ADGRV1: variants seen among roughly 807,000 people sequenced by gnomAD.
ADGRV1 encodes the protein G-protein coupled receptor 98.
In ADGRV1, 359 loss-of-function variants were observed where a neutral mutation model predicts 596.2. The observed-to-expected ratio is 0.60, with a 90% CI of 0.55 to 0.66. The LOEUF is 0.66. Among genes scored for constraint, ADGRV1 ranks in the 30% least tolerant of loss-of-function variants. ADGRV1 has a pLI of 0.00. For missense variants in ADGRV1, 7,274 were observed against 7,575.6 expected (o/e 0.96, Z 1.48); for synonymous variants, 2,681 against 2,679.2 (o/e 1.00, Z -0.02).
At chr5:90,565,953 G>A (rs1755577872) in intron 1 of ADGRV1, among the ~76,000 whole-genome samples, 1 of 152,066 alleles carries the variant, frequency 6.6e-6, no homozygotes, top group African/African-American at 2.4e-5. Flanking sequence ...GGTCATTTGT[G>A]TATCTCCTTT....
rs74456744 is a variant in ADGRV1, at chr5:90,735,726, G to A, written c.10549+5962G>A. On this transcript the variant is annotated intron_variant, in intron 50 of 89. Coordinates refer to ENST00000405460, the MANE Select transcript of ADGRV1 (RefSeq NM_032119.4). ...ACAGTTTTCAGTATACCAGTCGTTCGTCTTTATTGCTGTTGTAAATAGGCT... is the reference window on the plus strand; with the variant it reads ...ACAGTTTTCAGTATACCAGTCGTTCATCTTTATTGCTGTTGTAAATAGGCT... Among the ~76,000 whole-genome samples, 162 of 151,772 alleles carry A rather than the reference G, an allele frequency of 1.1e-3. 1 individual carries two copies. The East Asian group carries it at 0.029, about 27-fold the overall frequency.
At chr5:90,581,034 T>C (rs1035686538) in intron 1 of ADGRV1, among the ~76,000 whole-genome samples, 1 of 152,254 alleles carries the variant, frequency 6.6e-6, no homozygotes, top group African/African-American at 2.4e-5. Flanking sequence ...TTTCTTCCCC[T>C]TGATCGAATT....
In ADGRV1 at chr5:90,840,964, C is replaced by T; in HGVS notation, c.16998C>T (p.Ala5666=). 1 of 1,407,020 alleles carries T rather than the reference C, an allele frequency of 7.1e-7. No homozygotes were observed. The highest frequency in any genetic ancestry group is 9.3e-7 in the Non-Finnish European group (1 of 1,073,750). The allele number at this position is 1,407,020 out of a possible 1,614,324, so 87.2% of individuals were successfully genotyped here. The change falls in exon 78 of 90, where the codon GCC becomes GCT. Residue 5666 remains alanine, a synonymous_variant. Coordinates refer to ENST00000405460, the MANE Select transcript of ADGRV1 (RefSeq NM_032119.4). ...ATENTDEQLS[A]MMHLIEKITT... ...AAAACACAGATGAACAACTCAGTGC[C>T]ATGATGCATTTAATAGAAAAGGTAA... is the stretch of plus-strand genomic sequence containing the variant.
chr5:90,690,786 C>G lies in ADGRV1; in HGVS notation c.6707-11C>G. The G allele has an allele frequency of 6.3e-7, 1 of 1,587,206 alleles. No homozygotes were observed. The highest frequency in any genetic ancestry group is 1.1e-5 in the South Asian group (1 of 87,706). On this transcript the variant is annotated splice_polypyrimidine_tract_variant and intron_variant, in intron 30 of 89. Transcript: ENST00000405460. ...GTATTTGAAATGAACTCTGCTCTGTCTACCCTTCAGGTTTTCAGATTACTA... is the reference window on the plus strand; with the variant it reads ...GTATTTGAAATGAACTCTGCTCTGTGTACCCTTCAGGTTTTCAGATTACTA...
At chr5:91,089,644 C>T (rs988732085) in intron 86 of ADGRV1, among the ~76,000 whole-genome samples, 5 of 152,140 alleles carry the variant, frequency 3.3e-5, no homozygotes. Context: ...TTTCCTGAGA[C>T]ATCATGCCAT....
chr5:90,976,322 G>GTATATATATATATATATATA (rs70973719), intron 84 of ADGRV1, among the ~76,000 whole-genome samples: 7 of 108,612 alleles, frequency 6.4e-5, no homozygotes, highest in African/African-American at 2.6e-4. Context: ...GTGTGTGTGT[G>GTATATATATATATATATATA]TATATATATA....
rs373226239 is a variant in ADGRV1 at position 90,981,663 on chromosome 5, T to C, written c.17974-3681T>C. On this transcript the variant is annotated intron_variant, in intron 84 of 89. Coordinates refer to ENST00000405460, the MANE Select transcript of ADGRV1 (RefSeq NM_032119.4). ...TGCCTTGTGCCCTGAGCTGCCAGAATGGGCTCTGGTCATCCTTGACCCTGA... is the reference window on the plus strand; with the variant it reads ...TGCCTTGTGCCCTGAGCTGCCAGAACGGGCTCTGGTCATCCTTGACCCTGA... Among the ~76,000 whole-genome samples, 5 of 152,298 alleles carry C rather than the reference T, an allele frequency of 3.3e-5. No individual in the cohort carries two copies. The Middle Eastern group carries it at 0.01, about 311-fold the overall frequency.
intron 1 of ADGRV1, among the ~76,000 whole-genome samples, chr5:90,611,407 C>G (rs1270405373): frequency 6.6e-6 from 1 of 151,728 alleles, no homozygotes; most frequent in Non-Finnish European, 1.5e-5. Context: ...TCTTAGCATG[C>G]TAAGAGATCT....
chr5:90,914,270 T>C (rs921689326), intron 83 of ADGRV1, among the ~76,000 whole-genome samples: 2 of 152,182 alleles, frequency 1.3e-5, no homozygotes, highest in Admixed American at 1.3e-4. Flanking sequence ...GCAGTTCAGA[T>C]TTCAGATTTT....
chr5:91,003,557 T>C (rs1228771175), intron 85 of ADGRV1, among the ~76,000 whole-genome samples: 1 of 152,152 alleles, frequency 6.6e-6, no homozygotes, highest in African/African-American at 2.4e-5. Flanking sequence ...AATGACGAGA[T>C]CCCAGGAGAA....
At position 90,840,776 on chromosome 5, in the gene ADGRV1, G is replaced by A. The variant is rs767259157; in HGVS notation, c.16810G>A (p.Gly5604Ser). 40 of 1,613,864 alleles carry A rather than the reference G, an allele frequency of 2.5e-5. No individual in the cohort carries two copies. The highest frequency in any genetic ancestry group is 3.1e-5 in the Non-Finnish European group (37 of 1,179,888). Residue 5604 changes from glycine (G) to serine (S), a missense_variant, in exon 78 of 90, where the codon GGT becomes AGT. Physicochemically the swap from Gly to Ser is moderately conservative, Grantham distance 56. This residue lies in a region of ADGRV1 where 1,874 missense variants were observed against 1,970.2 expected (regional missense o/e 0.95). Coordinates refer to ENST00000405460, the MANE Select transcript of ADGRV1 (RefSeq NM_032119.4). ...CCAGATTGTCCTTTTTGACCCAAAA[G>A]GTGGTGCCAGAATTGATAAAGTGTA... ...RFQIVLFDPK[G>S]GARIDKVYGT...
chr5:90,853,321 A>G lies in ADGRV1; in HGVS notation c.17242A>G (p.Ile5748Val), dbSNP rs759608507. Reference sequence around the variant, plus strand: ...CCTTGATAGTTGCCCATATTTGTCAATATTGGCTCTTCACTGGTATCCTCA... The same window carrying G: ...CCTTGATAGTTGCCCATATTTGTCAGTATTGGCTCTTCACTGGTATCCTCA... ...TILDSCPYLS[I>V]LALHWYPQQI... is the part of the protein sequence containing the mutation. The change falls in exon 80 of 90, where the codon ATA becomes GTA. Residue 5748 changes from isoleucine (I) to valine (V), a missense_variant. Around this residue, in one of 5 missense-constraint regions of ADGRV1, gnomAD observed 1,874 missense variants for 1,970.2 expected, o/e 0.95. Coordinates refer to ENST00000405460, the MANE Select transcript of ADGRV1 (RefSeq NM_032119.4). 2.5e-6 allele frequency: 4 copies of G among 1,612,410 alleles called. No individual in the cohort carries two copies. The highest frequency in any genetic ancestry group is 1.3e-5 in the African/African-American group (1 of 74,884).
At chr5:90,577,794 G>T (rs1034215237) in intron 1 of ADGRV1, among the ~76,000 whole-genome samples, 1 of 152,078 alleles carries the variant, frequency 6.6e-6, no homozygotes, top group Admixed American at 6.6e-5. Context: ...TTATTTCGTT[G>T]AGCAGTCCTT....
Position 90,789,689 on chromosome 5 carries a change from T to TA in ADGRV1, c.13894-13_13894-12insA. 6.7e-7 allele frequency: 1 copy of TA among 1,489,394 alleles called. No individual in the cohort carries two copies. Among genetic ancestry groups the TA allele is most frequent in the East Asian group, 2.4e-5 (1 of 41,074 alleles). The allele number at this position is 1,489,394 out of a possible 1,614,324, so 92.3% of individuals were successfully genotyped here. On this transcript the variant is annotated splice_polypyrimidine_tract_variant and intron_variant, in intron 68 of 89. Transcript: ENST00000405460. Reference sequence around the variant, plus strand: ...TTTTATAAATTATTTTCTCTGTTGTTTATATTTTTTAGATACAAGAGTTTG... The same window carrying TA: ...TTTTATAAATTATTTTCTCTGTTGTTATATATTTTTTAGATACAAGAGTTTG...
At chr5:90,890,519 A>G (rs1413563984) in intron 83 of ADGRV1, among the ~76,000 whole-genome samples, 1 of 152,180 alleles carries the variant, frequency 6.6e-6, no homozygotes, top group African/African-American at 2.4e-5. Context: ...CTGTTAAATG[A>G]AGCATATTTC....
rs544022002 is a variant in ADGRV1, at chr5:90,942,321, T to G, written c.17857-23094T>G. On this transcript the variant is annotated intron_variant, in intron 83 of 89. Transcript: ENST00000405460. ...AGAGGCAGACACAATAAGGAGTTAA[T>G]TCTGGAAAAACAGTGGACTAGGTGT... is the stretch of plus-strand genomic sequence containing the variant. Among the ~76,000 whole-genome samples, 6 of 152,294 alleles carry G rather than the reference T, an allele frequency of 3.9e-5. No homozygotes were observed. In the South Asian group the frequency reaches 1.2e-3, roughly 32 times the overall value.
chr5:90,921,195 C>T (rs1773843068), intron 83 of ADGRV1, among the ~76,000 whole-genome samples: 1 of 152,154 alleles, frequency 6.6e-6, no homozygotes, highest in Admixed American at 6.5e-5. Flanking sequence ...CATAATGTGT[C>T]ATGTCATATT....
At chr5:91,003,349 GCACAGCTAGAATTAAAC>G (rs1164111440) in intron 85 of ADGRV1, among the ~76,000 whole-genome samples, 3 of 152,132 alleles carry the variant, frequency 2.0e-5, no homozygotes, top group African/African-American at 7.2e-5. Flanking sequence ...ATTATAGGTA[GCACAGCTAGAATTAAAC>G]CACATGTATC....
intron 85 of ADGRV1, among the ~76,000 whole-genome samples, chr5:91,026,463 T>G (rs1462606145): frequency 6.6e-6 from 1 of 152,174 alleles, no homozygotes; most frequent in Non-Finnish European, 1.5e-5. Context: ...TCCAACACAG[T>G]CCTGAAAAGT....
Sources: gnomAD v4.1 joint callset for allele counts (sites outside exome capture counted in the v4.1 genomes callset) on GRCh38, gnomAD v4.1.1 for gene constraint, gnomAD v4.1.1 regional missense constraint, MANE v1.5 for transcripts, NCBI Gene and HGNC (gene_info 2026-07-23, HGNC 2026-07-21) for gene names.